ARHGAP39: variants seen among roughly 807,000 people sequenced by gnomAD.
ARHGAP39 encodes Rho GTPase activating protein 39, also known as rho GTPase-activating protein 39.
Under a neutral mutation model 106.9 loss-of-function variants are expected in ARHGAP39, and 44 were observed. The observed-to-expected ratio is 0.41, with a 90% CI of 0.32 to 0.53. The LOEUF is 0.53. Among genes scored for constraint, ARHGAP39 ranks in the 20% least tolerant of loss-of-function variants. The pLI is 0.21. For missense variants in ARHGAP39, 1,496 were observed against 1,577.3 expected (o/e 0.95, Z 0.87); for synonymous variants, 768 against 693.2 (o/e 1.11, Z -1.69).
intron 11 of ARHGAP39, 31 bp from the exon 12 acceptor site, chr8:144,530,647 G>A: frequency 6.5e-7 from 1 of 1,532,976 alleles, no homozygotes; most frequent in South Asian, 1.2e-5. Flanking sequence ...GGCGCGGAGG[G>A]GCGGGGGCGG....
intron 1 of ARHGAP39, among the ~76,000 whole-genome samples, chr8:144,654,924 G>A (rs1341623983): frequency 1.3e-5 from 2 of 152,134 alleles, no homozygotes; most frequent in African/African-American, 2.4e-5. Context: ...GAGCAGGCAG[G>A]AGCCCCACCC....
rs1564830785 is a variant in ARHGAP39 at position 144,530,565 on chromosome 8, G to A, written c.3202C>T (p.Leu1068=). 6.2e-7 allele frequency: 1 copy of A among 1,611,874 alleles called. No individual in the cohort carries two copies. Among genetic ancestry groups the A allele is most frequent in the South Asian group, 1.1e-5 (1 of 90,968 alleles). The change falls in exon 12 of 12, where the codon CTG becomes TTG. Residue 1068 remains leucine, a synonymous_variant. Coordinates refer to ENST00000377307, the MANE Select transcript of ARHGAP39 (RefSeq NM_025251.3). ...CAGTTGGGCGCCATCACCATGGCCA[G>A]GTTGCTGACATCCATCTTGGTGACC... ...VAVTKMDVSN[L]AMVMAPNCLR... is the part of the protein sequence containing the mutation.
chr8:144,689,741 AT>A (rs71320838), upstream of ARHGAP39, among the ~76,000 whole-genome samples: 8,303 of 119,870 alleles, frequency 0.069, 232 homozygotes, highest in Middle Eastern at 0.11. Flanking sequence ...CACCTGACTA[AT>A]TTTTTTTTTT....
chr8:144,614,928 G>C (rs1820595055), intron 1 of ARHGAP39, among the ~76,000 whole-genome samples: 1 of 152,128 alleles, frequency 6.6e-6, no homozygotes, highest in Non-Finnish European at 1.5e-5. Context: ...AATCCTTCCT[G>C]TTCTCTGGTA....
chr8:144,658,170 C>T (rs563282780), intron 1 of ARHGAP39, among the ~76,000 whole-genome samples: 9 of 152,144 alleles, frequency 5.9e-5, no homozygotes, highest in South Asian at 2.1e-4. Context: ...AGTGAAATGG[C>T]GCGATCTTGG....
intron 3 of ARHGAP39, among the ~76,000 whole-genome samples, chr8:144,569,520 G>C (rs1818513337): frequency 6.6e-6 from 1 of 152,116 alleles, no homozygotes. Context: ...AAAGATGACA[G>C]ACAAAAAAGA....
At chr8:144,680,912 T>C (rs1222721026) in intron 1 of ARHGAP39, among the ~76,000 whole-genome samples, 2 of 152,186 alleles carry the variant, frequency 1.3e-5, no homozygotes, top group African/African-American at 4.8e-5. Flanking sequence ...GATAATAAAA[T>C]TACTTTGTCA....
chr8:144,644,795 C>CT lies in ARHGAP39; in HGVS notation c.-81-39101dup, dbSNP rs1391702658. 6.6e-6 allele frequency among the ~76,000 whole-genome samples: 1 copy of CT among 152,248 alleles called. No homozygotes were observed. The highest frequency in any genetic ancestry group is 1.5e-5 in the Non-Finnish European group (1 of 68,046). On this transcript the variant is annotated intron_variant, in intron 1 of 11. Transcript: ENST00000377307. The surrounding 1 kb of genome is among the most constrained non-coding windows in gnomAD (Gnocchi z 4.8). Reference sequence around the variant, plus strand: ...CACAGCTCTTGGCTGCACCTGCACTCTGAGTCATTGCAGGCACCAAACCCA... The same window carrying CT: ...CACAGCTCTTGGCTGCACCTGCACTCTTGAGTCATTGCAGGCACCAAACCCA...
At chr8:144,538,323 C>T (rs779137813) in intron 6 of ARHGAP39, among the ~76,000 whole-genome samples, 3 of 152,220 alleles carry the variant, frequency 2.0e-5, no homozygotes, top group Non-Finnish European at 2.9e-5. Context: ...CGCAGTGTTG[C>T]CACTGGCCTC....
intron 2 of ARHGAP39, 74 bp from the exon 3 acceptor site, chr8:144,581,351 G>A (rs1484435334): frequency 3.5e-6 from 5 of 1,419,196 alleles, no homozygotes; most frequent in South Asian, 1.4e-5. Flanking sequence ...TGCAGACCCC[G>A]GCTCCAGCCC....
intron 3 of ARHGAP39, among the ~76,000 whole-genome samples, chr8:144,561,560 GATCGGACCCCAGTGGTTTCC>G (rs1306617062): frequency 6.2e-5 from 7 of 113,546 alleles, no homozygotes; most frequent in African/African-American, 1.7e-4. Flanking sequence ...CAGTGGTTTC[GATCGGACCCCAGTGGTTTCC>G]ATCGGACCCC....
chr8:144,618,928 CTA>C (rs1047139700), intron 1 of ARHGAP39, among the ~76,000 whole-genome samples: 3 of 152,252 alleles, frequency 2.0e-5, no homozygotes, highest in Admixed American at 2.0e-4. Flanking sequence ...TCCCACAACC[CTA>C]TGAGGCAGGT....
In ARHGAP39 at chr8:144,645,070, G is replaced by A. The variant is rs1442038580; in HGVS notation, c.-81-39375C>T. 6.6e-6 allele frequency among the ~76,000 whole-genome samples: 1 copy of A among 152,214 alleles called. No homozygotes were observed. Among genetic ancestry groups the A allele is most frequent in the Non-Finnish European group, 1.5e-5 (1 of 68,042 alleles). ...CAGTCCCCGTGTTATCCAGGAGGAA[G>A]CGAAGAAAACACTGGGCAGGTCCAC... is the stretch of plus-strand genomic sequence containing the variant. On this transcript the variant is annotated intron_variant, in intron 1 of 11. Transcript: ENST00000377307. This position sits in a 1 kb window ranked among gnomAD's most constrained non-coding sequence, Gnocchi z 4.4.
At chr8:144,631,256 G>A (rs1821056032) in intron 1 of ARHGAP39, among the ~76,000 whole-genome samples, 1 of 152,180 alleles carries the variant, frequency 6.6e-6, no homozygotes, top group Non-Finnish European at 1.5e-5. Flanking sequence ...CATGAGATTT[G>A]GGCAAATATC....
chr8:144,588,358 C>T (rs1017178104), intron 2 of ARHGAP39, among the ~76,000 whole-genome samples: 1 of 152,260 alleles, frequency 6.6e-6, no homozygotes, highest in Non-Finnish European at 1.5e-5. Context: ...AGGCTGACTG[C>T]CCGGTGGGGC....
At position 144,545,781 on chromosome 8, in the gene ARHGAP39, G is replaced by A. The variant is rs754874981; in HGVS notation, c.1989C>T (p.Phe663=). Residue 663 remains phenylalanine, a synonymous_variant, in exon 6 of 12, where the codon TTC becomes TTT. Transcript: ENST00000377307. ...CGCTGCGGCTCTGCCGGCTGCTCTC[G>A]AACTGGGCACAGGCAGCGAGGTCCT... The part of the protein sequence containing the change: ...QSEDLAACAQ[F]ESSRQSRSGV... 7 of 1,583,730 alleles carry A rather than the reference G, an allele frequency of 4.4e-6. No individual in the cohort carries two copies. The highest frequency in any genetic ancestry group is 2.3e-5 in the South Asian group (2 of 88,364).
At chr8:144,674,919 G>C (rs574133451) in intron 1 of ARHGAP39, among the ~76,000 whole-genome samples, 1 of 152,334 alleles carries the variant, frequency 6.6e-6, no homozygotes, top group East Asian at 1.9e-4. Flanking sequence ...CAGGAGCAGG[G>C]AGAGGCCAGG....
intron 3 of ARHGAP39, among the ~76,000 whole-genome samples, chr8:144,568,933 C>T (rs181172867): frequency 3.5e-4 from 54 of 152,120 alleles, no homozygotes; most frequent in Admixed American, 1.6e-3. Context: ...AACAGCGAGA[C>T]GACAGATTTA....
intron 10 of ARHGAP39, 106 bp from the exon 11 acceptor site, chr8:144,530,977 G>A (rs1816681024): frequency 7.2e-7 from 1 of 1,396,736 alleles, no homozygotes; most frequent in African/African-American, 1.4e-5. Flanking sequence ...GGGACAGGCT[G>A]GGAGGGCCGG....
Sources: gnomAD v4.1 joint callset for allele counts (sites outside exome capture counted in the v4.1 genomes callset) on GRCh38, gnomAD v4.1.1 for gene constraint, Gnocchi (gnomAD v3.1) non-coding constraint, MANE v1.5 for transcripts, NCBI Gene and HGNC (gene_info 2026-07-23, HGNC 2026-07-21) for gene names.